SOX6: variants seen among roughly 807,000 people sequenced by gnomAD.
SOX6 encodes transcription factor SOX-6.
SOX6 carries 11 observed loss-of-function variants against 97.8 expected under a neutral mutation model. The ratio of observed to expected loss-of-function variants is 0.11; its 90% CI spans 0.07 to 0.19. SOX6 has a LOEUF of 0.19. Ranked by LOEUF, SOX6 falls within the 10% of genes least tolerant of loss-of-function variation. SOX6 has a pLI of 1.00. For missense variants in SOX6, 810 were observed against 1,039.5 expected, an observed-to-expected ratio of 0.78 and a Z score of 3.04; for synonymous variants, 360 against 371.4, an observed-to-expected ratio of 0.97 and a Z score of 0.35.
At chr11:16,390,908 C>T (rs1858156101) in intron 1 of SOX6, among the ~76,000 whole-genome samples, 2 of 152,144 alleles carry the variant, frequency 1.3e-5, no homozygotes, top group Admixed American at 6.5e-5. Flanking sequence ...TTTATTGTGG[C>T]ACTATTCACA....
chr11:16,149,863 A>T (rs1850414801), intron 6 of SOX6, among the ~76,000 whole-genome samples: 1 of 152,140 alleles, frequency 6.6e-6, no homozygotes, highest in East Asian at 1.9e-4. Flanking sequence ...TGCCAAAAAG[A>T]GGCAATTGTG....
intron 4 of SOX6, among the ~76,000 whole-genome samples, chr11:16,231,861 G>A (rs1852862300): frequency 6.6e-6 from 1 of 151,576 alleles, no homozygotes; most frequent in Non-Finnish European, 1.5e-5. Context: ...TCATTAAGTG[G>A]GGAAAATAGA....
At chr11:16,727,681 G>A (rs1325382316) in intron 2 of SOX6, among the ~76,000 whole-genome samples, 1 of 151,016 alleles carries the variant, frequency 6.6e-6, no homozygotes. Flanking sequence ...CAAAGAATCT[G>A]CCCACCTCGG....
At chr11:16,035,553 C>T (rs764219431) in intron 12 of SOX6, among the ~76,000 whole-genome samples, 14 of 152,126 alleles carry the variant, frequency 9.2e-5, no homozygotes, top group Non-Finnish European at 1.3e-4. Flanking sequence ...TCCACCTCAC[C>T]TATTACTAAG....
intron 1 of SOX6, among the ~76,000 whole-genome samples, chr11:16,468,260 G>A (rs1860078632): frequency 6.6e-6 from 1 of 152,002 alleles, no homozygotes; most frequent in Non-Finnish European, 1.5e-5. Context: ...AACTATAACA[G>A]CATCTTAAAA....
intron 3 of SOX6, among the ~76,000 whole-genome samples, chr11:16,637,727 G>A (rs1848812212): frequency 6.6e-6 from 1 of 152,006 alleles, no homozygotes; most frequent in Non-Finnish European, 1.5e-5. Flanking sequence ...GGATATGTCT[G>A]GATCCTAAGC....
chr11:16,040,048 A>T (rs1473379724), intron 12 of SOX6, among the ~76,000 whole-genome samples: 1 of 152,016 alleles, frequency 6.6e-6, no homozygotes, highest in Non-Finnish European at 1.5e-5. Flanking sequence ...TCCATACATA[A>T]CAAAACCAAC....
chr11:16,486,465 G>A (rs75161332), intron 4 of SOX6, among the ~76,000 whole-genome samples: 2,049 of 152,026 alleles, frequency 0.013, 51 homozygotes, highest in African/African-American at 0.046. Flanking sequence ...TTTTAAAAAG[G>A]CAAAGAGGGT....
At chr11:16,025,823 T>C (rs1156973872) in intron 12 of SOX6, among the ~76,000 whole-genome samples, 1 of 152,166 alleles carries the variant, frequency 6.6e-6, no homozygotes, top group Non-Finnish European at 1.5e-5. Context: ...TATAAGCATA[T>C]TGTATCTCCT....
chr11:16,297,899 A>T (rs1480134345), intron 3 of SOX6, among the ~76,000 whole-genome samples: 1 of 152,150 alleles, frequency 6.6e-6, no homozygotes, highest in Non-Finnish European at 1.5e-5. Context: ...GTCAGAAATT[A>T]GCTGTGACAC....
intron 3 of SOX6, among the ~76,000 whole-genome samples, chr11:16,633,796 C>A (rs1848746163): frequency 6.6e-6 from 1 of 152,192 alleles, no homozygotes; most frequent in African/African-American, 2.4e-5. Flanking sequence ...ATGGGGCCGA[C>A]TAAAATCAAC....
At chr11:16,193,484 G>C (rs188513271) in intron 4 of SOX6, among the ~76,000 whole-genome samples, 2 of 152,262 alleles carry the variant, frequency 1.3e-5, no homozygotes, top group East Asian at 3.9e-4. Context: ...AATTTAAAAT[G>C]AGATTTAAAC....
intron 1 of SOX6, among the ~76,000 whole-genome samples, chr11:16,464,390 T>G (rs1056987553): frequency 6.6e-6 from 1 of 151,776 alleles, no homozygotes; most frequent in Non-Finnish European, 1.5e-5. Context: ...ATACATGTCT[T>G]GGGTACTATC....
intron 2 of SOX6, among the ~76,000 whole-genome samples, chr11:16,329,721 G>A (rs1488541037): frequency 2.6e-5 from 4 of 152,208 alleles, no homozygotes; most frequent in Non-Finnish European, 5.9e-5. Context: ...GCATTACATA[G>A]TAAGTGATAA....
At chr11:16,095,917 A>T in intron 9 of SOX6, 79 bp downstream of exon 9, 10 of 1,139,868 alleles carry the variant, frequency 8.8e-6, no homozygotes, top group Admixed American at 2.6e-5. Flanking sequence ...GCCACTTTAA[A>T]AAAAAAAAAA....
At chr11:16,035,106 A>G (rs1419284224) in intron 12 of SOX6, among the ~76,000 whole-genome samples, 2 of 152,230 alleles carry the variant, frequency 1.3e-5, no homozygotes, top group African/African-American at 4.8e-5. Context: ...GAACACTCAC[A>G]GAGTTACACG....
chr11:16,215,626 A>C (rs1314177370), intron 4 of SOX6, among the ~76,000 whole-genome samples: 1 of 152,204 alleles, frequency 6.6e-6, no homozygotes, highest in Non-Finnish European at 1.5e-5. Flanking sequence ...AAGCCAGAAT[A>C]ATATGAAATA....
chr11:16,227,240 G>C (rs1852713413), intron 4 of SOX6, among the ~76,000 whole-genome samples: 1 of 152,086 alleles, frequency 6.6e-6, no homozygotes, highest in Non-Finnish European at 1.5e-5. Context: ...TTCTAATTAA[G>C]AAAGTATAAT....
chr11:16,203,010 T>C (rs1285432842), intron 4 of SOX6, among the ~76,000 whole-genome samples: 5 of 152,106 alleles, frequency 3.3e-5, no homozygotes, highest in African/African-American at 1.2e-4. Flanking sequence ...TGAGTAAAGT[T>C]GTAACTGTTA....
Sources: gnomAD v4.1 joint callset for allele counts (sites outside exome capture counted in the v4.1 genomes callset) on GRCh38, gnomAD v4.1.1 for gene constraint, MANE v1.5 for transcripts, NCBI Gene and HGNC (gene_info 2026-07-23, HGNC 2026-07-21) for gene names.